The following NECTIN4 variants were observed in gnomAD, a reference collection of about 807,000 sequenced individuals.
NECTIN4 encodes nectin cell adhesion molecule 4.
Under a neutral mutation model 51.7 loss-of-function variants are expected in NECTIN4, and 19 were observed. That is an observed-to-expected ratio of 0.37 (90% CI 0.26 to 0.54). The LOEUF is 0.54. Ranked by LOEUF, NECTIN4 falls within the 20% of genes least tolerant of loss-of-function variation. The pLI is 0.86. For synonymous variants in NECTIN4, 283 were observed against 286.9 expected, an observed-to-expected ratio of 0.99 and a Z score of 0.14; for missense variants, 619 against 662.4, an observed-to-expected ratio of 0.93 and a Z score of 0.72.
intron 1 of NECTIN4, among the ~76,000 whole-genome samples, chr1:161,081,821 G>T (rs1197989630): frequency 7.6e-6 from 1 of 130,956 alleles, no homozygotes; most frequent in African/African-American, 2.9e-5. Context: ...CCCACCCCAG[G>T]CAGCATTAGG....
chr1:161,081,668 C>T (rs1653683446), intron 1 of NECTIN4, among the ~76,000 whole-genome samples: 1 of 152,134 alleles, frequency 6.6e-6, no homozygotes, highest in South Asian at 2.1e-4. Context: ...GCCCAGCAAG[C>T]CACACACCTT....
At chr1:161,088,131 G>C (rs1233590994) in intron 1 of NECTIN4, among the ~76,000 whole-genome samples, 2 of 152,016 alleles carry the variant, frequency 1.3e-5, no homozygotes, top group East Asian at 3.9e-4. Context: ...AATCAGAGTT[G>C]GAGCAGCCCA....
At chr1:161,072,935 C>T (rs1475156450) in intron 8 of NECTIN4, 50 bp from the exon 9 acceptor site, 1 of 1,543,700 alleles carries the variant, frequency 6.5e-7, no homozygotes, top group East Asian at 2.4e-5. Context: ...AGGGCAGCTG[C>T]ACATGGTGGG....
At chr1:161,073,944 G>C (rs1653299533) in intron 6 of NECTIN4, 149 bp from the exon 7 acceptor site, 2 of 794,192 alleles carry the variant, frequency 2.5e-6, no homozygotes, top group Non-Finnish European at 2.1e-6. Flanking sequence ...AGGTGGCAGT[G>C]AGGCTGAAGA....
chr1:161,084,280 AATGTGTGTG>A (rs778999488), intron 1 of NECTIN4, among the ~76,000 whole-genome samples: 21 of 152,320 alleles, frequency 1.4e-4, no homozygotes, highest in Admixed American at 4.6e-4. Context: ...AGTATGTGTG[AATGTGTGTG>A]CACACATGAT....
At chr1:161,080,327 T>C (rs1653622747) in intron 1 of NECTIN4, among the ~76,000 whole-genome samples, 2 of 151,898 alleles carry the variant, frequency 1.3e-5, no homozygotes, top group African/African-American at 4.8e-5. Context: ...TCAGGGAAAA[T>C]AGAATTTATG....
rs771442826 is a variant in NECTIN4, at chr1:161,073,719, C to T, written c.1233+1G>A. 1.7e-5 allele frequency: 27 copies of T among 1,613,936 alleles called. No homozygotes were observed. In the Admixed American group the frequency reaches 4.3e-4, roughly 26 times the overall value. ...TGCATACACCCAACCTTGGCACACA[C>T]CTGGCTCCTGGGGTCCGTGTGATGG... On this transcript the variant is annotated splice_donor_variant, in intron 7 of 8. Transcript: ENST00000368012. LOFTEE classifies it high-confidence loss of function.
chr1:161,081,535 C>T (rs973738392), intron 1 of NECTIN4, among the ~76,000 whole-genome samples: 3 of 152,064 alleles, frequency 2.0e-5, no homozygotes, highest in Non-Finnish European at 2.9e-5. Flanking sequence ...GTCATGGAAT[C>T]AAAAGTGAAA....
intron 1 of NECTIN4, among the ~76,000 whole-genome samples, chr1:161,088,848 A>G (rs1403185590): frequency 6.6e-6 from 1 of 152,084 alleles, no homozygotes. Context: ...GGGTAGGCCA[A>G]GGCACCTCTA....
intron 1 of NECTIN4, 51 bp from the exon 2 acceptor site, chr1:161,080,000 G>A (rs781031127): frequency 6.5e-7 from 1 of 1,544,262 alleles, no homozygotes; most frequent in Non-Finnish European, 8.7e-7. Context: ...GCCAGAGCTG[G>A]GGGAGCACAG....
Position 161,079,692 on chromosome 1 carries a change from G to C in NECTIN4, c.337C>G (p.Leu113Val), listed in dbSNP as rs558435035. Reference protein sequence around the residue: ...PPRNPLDGSVLLRNAVQADEG... With the variant: ...PPRNPLDGSVVLRNAVQADEG... ...TCCGCCTGCACTGCGTTGCGCAGGA[G>C]CACTGAGCCGTCCAGGGGGTTGCGT... Residue 113 changes from leucine (L) to valine (V), a missense_variant, in exon 2 of 9, where the codon CTC (leucine) becomes GTC (valine). Around this residue, in one of 3 missense-constraint regions of NECTIN4, gnomAD observed 218 missense variants for 186.3 expected, o/e 1.17. Coordinates refer to ENST00000368012, the MANE Select transcript of NECTIN4 (RefSeq NM_030916.3). 6.2e-7 allele frequency: 1 copy of C among 1,608,084 alleles called. No individual in the cohort carries two copies. Among genetic ancestry groups the C allele is most frequent in the South Asian group, 1.1e-5 (1 of 91,022 alleles).
intron 1 of NECTIN4, among the ~76,000 whole-genome samples, chr1:161,081,854 G>T (rs1241623795): frequency 1.8e-5 from 2 of 113,732 alleles, no homozygotes; most frequent in Non-Finnish European, 3.3e-5. Flanking sequence ...GTGCTCCCCA[G>T]CACCCTGCTT....
chr1:161,085,730 A>C (rs1571162135), intron 1 of NECTIN4, among the ~76,000 whole-genome samples: 4 of 128,556 alleles, frequency 3.1e-5, no homozygotes, highest in Non-Finnish European at 1.6e-5. Context: ...ACAGAGTCTC[A>C]CTCTGTCACC....
chr1:161,072,968 TCA>T, intron 8 of NECTIN4, 83 bp from the exon 9 acceptor site: 1 of 1,371,174 alleles, frequency 7.3e-7, no homozygotes, highest in Non-Finnish European at 1.0e-6. Context: ...CATGGTGGGA[TCA>T]GAGGCCAGGC....
At chr1:161,073,862 G>T in intron 6 of NECTIN4, 67 bp from the exon 7 acceptor site, 2 of 1,440,634 alleles carry the variant, frequency 1.4e-6, no homozygotes, top group Non-Finnish European at 2.0e-6. Context: ...GCCTATCCTG[G>T]CTGAGCCTAG....
rs1429432645 is a variant in NECTIN4 at position 161,072,630 on chromosome 1, G to T, written c.*31C>A. The T allele has an allele frequency of 5.1e-6, 8 of 1,568,462 alleles. No homozygotes were observed. Among genetic ancestry groups the T allele is most frequent in the Non-Finnish European group, 7.0e-6 (8 of 1,138,396 alleles). On this transcript the variant is annotated 3_prime_UTR_variant, in exon 9 of 9. Coordinates refer to ENST00000368012, the MANE Select transcript of NECTIN4 (RefSeq NM_030916.3). ...AAAATCTCCCATGTCAACAGAAGGAGCCAGGCCTAGGGAAGGGAGGCAGGC... is the reference window on the plus strand; with the variant it reads ...AAAATCTCCCATGTCAACAGAAGGATCCAGGCCTAGGGAAGGGAGGCAGGC...
intron 1 of NECTIN4, among the ~76,000 whole-genome samples, chr1:161,083,233 T>C (rs1274046335): frequency 6.6e-6 from 1 of 152,126 alleles, no homozygotes; most frequent in Non-Finnish European, 1.5e-5. Context: ...TAGGAACATC[T>C]CAGCCTGAGG....
In NECTIN4 at chr1:161,089,122, G is replaced by T. The variant is rs926217607; in HGVS notation, c.79+96C>A. ...TTCAGAGTCAAAGAAAGGAGGATAT[G>T]TGTGTGCGTGCGTGTGTGTCTATGT... On this transcript the variant is annotated intron_variant, in intron 1 of 8. Coordinates refer to ENST00000368012, the MANE Select transcript of NECTIN4 (RefSeq NM_030916.3). The surrounding 1 kb of genome is among the most constrained non-coding windows in gnomAD (Gnocchi z 4.1). 5 of 1,068,320 alleles carry T rather than the reference G, an allele frequency of 4.7e-6. No homozygotes were observed. The highest frequency in any genetic ancestry group is 7.3e-6 in the Non-Finnish European group (5 of 688,328). 66.2% of individuals were successfully genotyped at this position (1,068,320 alleles called of 1,614,324 possible).
At chr1:161,076,565 T>G in intron 3 of NECTIN4, 90 bp from the exon 4 acceptor site, 1 of 1,535,166 alleles carries the variant, frequency 6.5e-7, no homozygotes, top group South Asian at 1.1e-5. Flanking sequence ...CCACCCTGCC[T>G]GAAACACCCT....
Sources: gnomAD v4.1 joint callset for allele counts (sites outside exome capture counted in the v4.1 genomes callset) on GRCh38, gnomAD v4.1.1 for gene constraint, gnomAD v4.1.1 regional missense constraint, Gnocchi (gnomAD v3.1) non-coding constraint, MANE v1.5 for transcripts, NCBI Gene and HGNC (gene_info 2026-07-23, HGNC 2026-07-21) for gene names.